Variants in INKA2 observed in about 807,000 individuals in gnomAD.
INKA2 encodes the protein PAK4-inhibitor INKA2.
INKA2 carries 3 observed loss-of-function variants against 9.8 expected under a neutral mutation model. That is an observed-to-expected ratio of 0.31 (90% CI 0.14 to 0.79). INKA2 has a LOEUF of 0.79. INKA2 is among the 30% of genes least tolerant of loss of function. The probability of loss-of-function intolerance (pLI) is 0.62; values close to 1 mark genes in which losing one functional copy is unlikely to be tolerated. For synonymous variants in INKA2, 147 were observed against 143.3 expected (o/e 1.03, Z -0.18); for missense variants, 392 against 384.4 (o/e 1.02, Z -0.17).
rs765904057 is a variant in INKA2 at position 111,739,352 on chromosome 1, C to G, written c.-110G>C. The G allele has an allele frequency of 3.9e-6, 6 of 1,555,820 alleles. No homozygotes were observed. The highest frequency in any genetic ancestry group is 2.3e-5 in the South Asian group (2 of 85,698). On this transcript the variant is annotated 5_prime_UTR_variant, in exon 1 of 2. Transcript: ENST00000357260. The stretch of plus-strand genomic sequence containing the variant: ...CCCGCCCCTGCGCCCGTAGCGCTCG[C>G]AGCGCGGAGCTGAGCCTGCGCTCCG...
chr1:111,741,561 A>T (rs764276627), upstream of INKA2, among the ~76,000 whole-genome samples: 28 of 152,198 alleles, frequency 1.8e-4, no homozygotes, highest in Admixed American at 6.5e-4. Context: ...CCCAGCATTG[A>T]CATATAGTCC....
intron 1 of INKA2, chr1:111,744,514 G>A (rs1216661745): frequency 1.3e-5 from 2 of 151,792 alleles, no homozygotes; most frequent in African/African-American, 4.8e-5. Context: ...TTGAAATGAT[G>A]AAAGCCACTG....
intron 1 of INKA2, among the ~76,000 whole-genome samples, chr1:111,750,399 TAC>T (rs751116064): frequency 3.9e-5 from 6 of 152,238 alleles, no homozygotes; most frequent in Non-Finnish European, 8.8e-5. Context: ...CATGAAATAA[TAC>T]ATTCTATCTA....
At chr1:111,755,128 C>CGGAGGCGGATGCATGGAGGCGGA (rs1352746553) in intron 1 of INKA2, 1 of 154,262 alleles carries the variant, frequency 6.5e-6, no homozygotes, top group Non-Finnish European at 1.4e-5. Context: ...AAGGGAGGTG[C>CGGAGGCGGATGCATGGAGGCGGA]TGCGGAGGCG....
At chr1:111,743,648 G>A (rs924118829), upstream of INKA2, among the ~76,000 whole-genome samples, 1 of 152,198 alleles carries the variant, frequency 6.6e-6, no homozygotes, top group African/African-American at 2.4e-5. Flanking sequence ...GCCAGCTCTG[G>A]AAGACATACC....
intron 1 of INKA2, among the ~76,000 whole-genome samples, chr1:111,752,364 G>A (rs577984817): frequency 6.6e-6 from 1 of 152,304 alleles, no homozygotes; most frequent in African/African-American, 2.4e-5. Flanking sequence ...GTAGCACCCT[G>A]CACTTTATAC....
At chr1:111,732,131 T>C (rs550736918) in intron 1 of INKA2, among the ~76,000 whole-genome samples, 4 of 152,250 alleles carry the variant, frequency 2.6e-5, no homozygotes, top group African/African-American at 7.2e-5. Flanking sequence ...GGTTCTTGAC[T>C]AAGAGAGGAG....
chr1:111,739,943 A>T (rs1410503851), upstream of INKA2: 1 of 152,146 alleles, frequency 6.6e-6, no homozygotes, highest in African/African-American at 2.4e-5. Flanking sequence ...TGGCCGGTTC[A>T]CGCCTGTCAC....
chr1:111,736,736 C>T (rs1195604546), intron 1 of INKA2, among the ~76,000 whole-genome samples: 3 of 152,196 alleles, frequency 2.0e-5, no homozygotes, highest in Non-Finnish European at 4.4e-5. Flanking sequence ...TAGCTCATGA[C>T]AGAAACCAAC....
chr1:111,741,661 G>A (rs1663154281), upstream of INKA2, among the ~76,000 whole-genome samples: 2 of 152,190 alleles, frequency 1.3e-5, no homozygotes, highest in South Asian at 2.1e-4. Context: ...TCTCCAGCAC[G>A]GTAGTCAGAT....
rs1431089104 is a variant in INKA2, at chr1:111,727,552, T to G, written c.310A>C (p.Lys104Gln). 1 of 1,613,462 alleles carries G rather than the reference T, an allele frequency of 6.2e-7. No homozygotes were observed. The highest frequency in any genetic ancestry group is 2.2e-5 in the East Asian group (1 of 44,888). ...CAGACACTCCTATGGGATGGAAACT[T>G]GGTGCTGCTGCCAAGAGAAGGTTGA... ...SSQPSLGSST[K>Q]FPSHRSVCGR... The change falls in exon 2 of 2, where the codon AAG becomes CAG. Residue 104 changes from lysine (K) to glutamine (Q), a missense_variant. By Grantham distance (53) the Lys-to-Gln change is moderately conservative. Transcript: ENST00000357260.
chr1:111,748,499 C>G (rs1362337178), intron 1 of INKA2, among the ~76,000 whole-genome samples: 1 of 152,208 alleles, frequency 6.6e-6, no homozygotes, highest in Non-Finnish European at 1.5e-5. Flanking sequence ...TACTGGGAGG[C>G]AGCAGTTTGC....
Position 111,726,105 on chromosome 1 carries a change from A to G in INKA2, c.*863T>C. ...AGGGTCCAGCTTCTACTCTGCAGTT[A>G]GACCTAGGCTGTTCTGCCTCCTGGC... is the stretch of plus-strand genomic sequence containing the variant. On this transcript the variant is annotated 3_prime_UTR_variant, in exon 2 of 2. Transcript: ENST00000357260. 1 of 398,638 alleles carries G rather than the reference A, an allele frequency of 2.5e-6. No individual in the cohort carries two copies. Among genetic ancestry groups the G allele is most frequent in the Non-Finnish European group, 4.4e-6 (1 of 226,064 alleles). The allele number at this position is 398,638 out of a possible 1,614,324, so 24.7% of individuals were successfully genotyped here. A position where few individuals can be genotyped will look rare whatever the true frequency, so the allele number is the denominator to read the frequency against.
chr1:111,741,866 C>A (rs1663157923), upstream of INKA2, among the ~76,000 whole-genome samples: 1 of 152,186 alleles, frequency 6.6e-6, no homozygotes, highest in Non-Finnish European at 1.5e-5. Context: ...CAGGCGCATG[C>A]CATCACGCCT....
At chr1:111,728,024 G>A (rs993821525) in intron 1 of INKA2, among the ~76,000 whole-genome samples, 2 of 88,048 alleles carry the variant, frequency 2.3e-5, no homozygotes, top group African/African-American at 7.4e-5. Context: ...TCCTGAGAAG[G>A]CTCCCCCACC....
At chr1:111,731,394 A>C (rs1662902046) in intron 1 of INKA2, among the ~76,000 whole-genome samples, 1 of 148,970 alleles carries the variant, frequency 6.7e-6, no homozygotes, top group African/African-American at 2.5e-5. Context: ...TGTGTTGCCC[A>C]GGCTGGAGTA....
chr1:111,737,416 C>T (rs1458909936), intron 1 of INKA2, among the ~76,000 whole-genome samples: 1 of 152,108 alleles, frequency 6.6e-6, no homozygotes, highest in East Asian at 1.9e-4. Flanking sequence ...GAGCCCATGC[C>T]AGGAACACCC....
At chr1:111,749,475 C>G (rs1663352240) in intron 1 of INKA2, among the ~76,000 whole-genome samples, 1 of 151,908 alleles carries the variant, frequency 6.6e-6, no homozygotes, top group African/African-American at 2.4e-5. Context: ...GGAGCCAAGG[C>G]AGGGGAGTCT....
rs995531371 is a variant in INKA2 at position 111,726,335 on chromosome 1, A to G, written c.*633T>C. ...GGGCTTCCCTGGCTGCTCCTTACAC[A>G]CTGTACTCCTTATTCAGCTCATTTT... On this transcript the variant is annotated 3_prime_UTR_variant, in exon 2 of 2. Transcript: ENST00000357260. 2.8e-6 allele frequency: 1 copy of G among 355,562 alleles called. No homozygotes were observed. The highest frequency in any genetic ancestry group is 5.0e-6 in the Non-Finnish European group (1 of 199,816). 22.0% of individuals were successfully genotyped at this position (355,562 alleles called of 1,614,324 possible).
Sources: gnomAD v4.1 joint callset for allele counts (sites outside exome capture counted in the v4.1 genomes callset) on GRCh38, gnomAD v4.1.1 for gene constraint, MANE v1.5 for transcripts, NCBI Gene and HGNC (gene_info 2026-07-23, HGNC 2026-07-21) for gene names.